Variants in FAM76A observed in about 807,000 individuals in gnomAD.
FAM76A encodes the protein protein FAM76A.
In FAM76A, 32 loss-of-function variants were observed where a neutral mutation model predicts 46.2. The observed-to-expected ratio is 0.69, with a 90% CI of 0.52 to 0.93. The LOEUF (loss-of-function observed/expected upper bound fraction) is 0.93, where lower values mean the gene tolerates loss of function less well. Among genes scored for constraint, FAM76A ranks in the 40% least tolerant of loss-of-function variants. FAM76A has a pLI of 0.00. For missense variants in FAM76A, 274 were observed against 361.5 expected (o/e 0.76, Z 1.96); for synonymous variants, 137 against 127.0 (o/e 1.08, Z -0.53).
intron 7 of FAM76A, 50 bp downstream of exon 7, chr1:27,755,380 A>T (rs2088393819): frequency 1.9e-6 from 3 of 1,604,144 alleles, no homozygotes; most frequent in African/African-American, 2.7e-5. Flanking sequence ...AGGGTGAGAT[A>T]TGTGGTATGG....
chr1:27,760,393 C>A, intron 8 of FAM76A, 102 bp from the exon 9 acceptor site: 1 of 834,816 alleles, frequency 1.2e-6, no homozygotes, highest in South Asian at 1.7e-5. Flanking sequence ...CTCTTTCTGA[C>A]CCTCCACATT....
At chr1:27,759,780 T>TTTTTTTTTTTTTTG (rs1491150258) in intron 8 of FAM76A, 153 bp downstream of exon 8, 6 of 499,568 alleles carry the variant, frequency 1.2e-5, no homozygotes, top group African/African-American at 1.1e-4. Flanking sequence ...TTTTTTTTTG[T>TTTTTTTTTTTTTTG]TTTTTTTTTG....
intron 4 of FAM76A, among the ~76,000 whole-genome samples, chr1:27,744,268 A>G (rs924310623): frequency 6.6e-6 from 1 of 152,170 alleles, no homozygotes; most frequent in East Asian, 1.9e-4. Context: ...AGCTGGGACT[A>G]CAGGTGCACG....
intron 4 of FAM76A, chr1:27,739,439 A>C (rs1460102320): frequency 6.2e-6 from 3 of 485,624 alleles, no homozygotes; most frequent in African/African-American, 2.0e-5. Flanking sequence ...CTAAGGATTA[A>C]GATTTGATGA....
intron 1 of FAM76A, among the ~76,000 whole-genome samples, chr1:27,726,477 T>TC (rs1376797546): frequency 6.6e-6 from 1 of 151,968 alleles, no homozygotes; most frequent in Non-Finnish European, 1.5e-5. Context: ...TTGCGCTGCC[T>TC]CCCCCGCCGC....
chr1:27,757,141 G>A (rs554169660), intron 7 of FAM76A, among the ~76,000 whole-genome samples: 6 of 148,448 alleles, frequency 4.0e-5, no homozygotes, highest in South Asian at 2.1e-4. Context: ...TGCTAACTTC[G>A]TGCCTAGCTC....
chr1:27,744,419 G>A (rs767787566), intron 4 of FAM76A, among the ~76,000 whole-genome samples: 1 of 152,090 alleles, frequency 6.6e-6, no homozygotes, highest in African/African-American at 2.4e-5. Context: ...GAGCCACCGC[G>A]CCCGGCCCGG....
At chr1:27,732,074 A>C (rs2087966752) in intron 2 of FAM76A, among the ~76,000 whole-genome samples, 1 of 152,038 alleles carries the variant, frequency 6.6e-6, no homozygotes, top group Non-Finnish European at 1.5e-5. Context: ...CACCTCCCTC[A>C]GCCTCCCAAA....
Position 27,727,505 on chromosome 1 carries a change from A to G in FAM76A, c.115A>G (p.Thr39Ala), listed in dbSNP as rs1383062749. Reference protein sequence around the residue: ...CRIAHPVVKCTYCRTEYQQES... With the variant: ...CRIAHPVVKCAYCRTEYQQES... ...GATTGCACACCCTGTTGTGAAGTGCACCTACTGCAGGACTGAGTACCAGCA... is the reference window on the plus strand; with the variant it reads ...GATTGCACACCCTGTTGTGAAGTGCGCCTACTGCAGGACTGAGTACCAGCA... The change falls in exon 2 of 9, where the codon ACC becomes GCC. Residue 39 changes from threonine to alanine, a missense_variant. Physicochemically the swap from Thr to Ala is moderately conservative, Grantham distance 58. Coordinates refer to ENST00000373954, the MANE Select transcript of FAM76A (RefSeq NM_152660.3). 6.2e-7 allele frequency: 1 copy of G among 1,613,940 alleles called. No individual in the cohort carries two copies. The highest frequency in any genetic ancestry group is 1.7e-5 in the Admixed American group (1 of 60,012).
chr1:27,748,746 G>A (rs2148581612), intron 5 of FAM76A, among the ~76,000 whole-genome samples: 1 of 152,238 alleles, frequency 6.6e-6, no homozygotes, highest in East Asian at 1.9e-4. Context: ...CTCCCAAAGT[G>A]CCGGGATTAC....
chr1:27,746,084 A>C (rs1225436788), intron 5 of FAM76A, among the ~76,000 whole-genome samples: 1 of 146,314 alleles, frequency 6.8e-6, no homozygotes, highest in Non-Finnish European at 1.5e-5. Context: ...GGGGCTAATT[A>C]AAGGCTTTTT....
intron 8 of FAM76A, 121 bp from the exon 9 acceptor site, chr1:27,760,374 A>T (rs2148589842): frequency 2.8e-6 from 2 of 702,786 alleles, no homozygotes; most frequent in East Asian, 6.7e-5. Flanking sequence ...CACCTCTAGA[A>T]TTGTTCATCT....
rs183334892 is a variant in FAM76A, at chr1:27,746,451, G to A, written c.512+1640G>A. Among the ~76,000 whole-genome samples the A allele has an allele frequency of 3.1e-3, 468 of 152,252 alleles. 4 individuals carry two copies. The highest frequency in any genetic ancestry group is 0.01 in the African/African-American group (428 of 41,550). The stretch of plus-strand genomic sequence containing the variant: ...AGCACATAAGAATCTAGCTGGGCGC[G>A]GTGGCTCACACCCGTAATCCCAGCA... On this transcript the variant is annotated intron_variant, in intron 5 of 8. Coordinates refer to ENST00000373954, the MANE Select transcript of FAM76A (RefSeq NM_152660.3).
At chr1:27,753,508 C>G (rs975951498) in intron 6 of FAM76A, among the ~76,000 whole-genome samples, 1 of 152,196 alleles carries the variant, frequency 6.6e-6, no homozygotes, top group Non-Finnish European at 1.5e-5. Context: ...CTCCTGCACA[C>G]CTTGTTTTAT....
chr1:27,729,355 A>C (rs1389075481), intron 2 of FAM76A, among the ~76,000 whole-genome samples: 1 of 151,684 alleles, frequency 6.6e-6, no homozygotes, highest in Non-Finnish European at 1.5e-5. Context: ...CCAGGGGTGC[A>C]CACCACCACA....
intron 2 of FAM76A, among the ~76,000 whole-genome samples, chr1:27,728,956 T>G (rs1205979621): frequency 1.3e-5 from 2 of 149,714 alleles, no homozygotes; most frequent in Non-Finnish European, 3.0e-5. Flanking sequence ...GGGGGGAAAC[T>G]CTGTCTCAAA....
intron 5 of FAM76A, 32 bp downstream of exon 5, chr1:27,744,843 A>G (rs1557782157): frequency 6.3e-7 from 1 of 1,599,998 alleles, no homozygotes; most frequent in East Asian, 2.2e-5. Context: ...TGGGACTAGA[A>G]GTGCTGGTAG....
intron 7 of FAM76A, among the ~76,000 whole-genome samples, chr1:27,757,843 G>A (rs2088439518): frequency 6.6e-6 from 1 of 152,104 alleles, no homozygotes; most frequent in African/African-American, 2.4e-5. Context: ...TGGGCGTGGT[G>A]GTGGGCGCCT....
chr1:27,737,865 C>CAACAAAAAAAAAAAAAAAAAAAAAA (rs2088077333), intron 4 of FAM76A, among the ~76,000 whole-genome samples: 1 of 34,244 alleles, frequency 2.9e-5, no homozygotes, highest in Non-Finnish European at 6.6e-5. Flanking sequence ...ACAACAACAA[C>CAACAAAAAAAAAAAAAAAAAAAAAA]AACAAAAAAA....
Sources: gnomAD v4.1 joint callset for allele counts (sites outside exome capture counted in the v4.1 genomes callset) on GRCh38, gnomAD v4.1.1 for gene constraint, MANE v1.5 for transcripts, NCBI Gene and HGNC (gene_info 2026-07-23, HGNC 2026-07-21) for gene names.